Variants in SLC16A6 observed in about 807,000 individuals in gnomAD.
SLC16A6 encodes the protein solute carrier family 16 member 6.
Under a neutral mutation model 33.8 loss-of-function variants are expected in SLC16A6, and 15 were observed. The observed-to-expected ratio is 0.44, with a 90% CI of 0.30 to 0.68. The LOEUF (loss-of-function observed/expected upper bound fraction) is 0.68, where lower values mean the gene tolerates loss of function less well. Among genes scored for constraint, SLC16A6 ranks in the 30% least tolerant of loss-of-function variants. The pLI, the probability that SLC16A6 is intolerant of heterozygous loss-of-function variation, is 0.10. For synonymous variants in SLC16A6, 219 were observed against 248.4 expected (o/e 0.88, Z 1.11); for missense variants, 451 against 661.5 (o/e 0.68, Z 3.49).
intron 5 of SLC16A6, among the ~76,000 whole-genome samples, chr17:68,270,379 C>T (rs1253656927): frequency 1.3e-5 from 2 of 152,022 alleles, no homozygotes; most frequent in Admixed American, 1.3e-4. Flanking sequence ...CATGGTGAAA[C>T]CCCATCTCTA....
chr17:68,282,664 C>T (rs1402407278), intron 1 of SLC16A6, among the ~76,000 whole-genome samples: 1 of 150,846 alleles, frequency 6.6e-6, no homozygotes, highest in African/African-American at 2.4e-5. Context: ...ATTAGCAGTG[C>T]CGGGCATGGT....
upstream of SLC16A6, chr17:68,291,291 A>T (rs1202578383): frequency 9.6e-6 from 1 of 104,288 alleles, no homozygotes; most frequent in Admixed American, 9.3e-5. Flanking sequence ...CACCCGAGCC[A>T]CACCCTCCCC....
intron 1 of SLC16A6, among the ~76,000 whole-genome samples, chr17:68,289,956 G>C (rs1300349231): frequency 6.6e-6 from 1 of 152,172 alleles, no homozygotes; most frequent in African/African-American, 2.4e-5. Context: ...TCATCTGGCC[G>C]GATGTATTGT....
chr17:68,270,132 A>G (rs1324536057), intron 5 of SLC16A6, among the ~76,000 whole-genome samples: 5 of 152,138 alleles, frequency 3.3e-5, no homozygotes, highest in Non-Finnish European at 5.9e-5. Flanking sequence ...TCCATTCCCA[A>G]ATACCTTTCC....
chr17:68,282,552 A>C (rs955324021), intron 1 of SLC16A6, among the ~76,000 whole-genome samples: 4 of 151,756 alleles, frequency 2.6e-5, no homozygotes, highest in Non-Finnish European at 5.9e-5. Flanking sequence ...TAATCCCAGC[A>C]CTTTGGGAAA....
intron 4 of SLC16A6, 109 bp downstream of exon 4, chr17:68,272,530 A>T: frequency 7.9e-7 from 1 of 1,266,172 alleles, no homozygotes; most frequent in Non-Finnish European, 1.1e-6. Flanking sequence ...ACGTCTCATT[A>T]CACATACACT....
rs1555750121 is a variant in SLC16A6, at chr17:68,274,079, A to G, written c.233-9T>C. The G allele has an allele frequency of 2.5e-6, 4 of 1,611,264 alleles. No homozygotes were observed. The highest frequency in any genetic ancestry group is 3.4e-6 in the Non-Finnish European group (4 of 1,177,998). ...GACTGTGGCGAGGGGAGCTGCCGGGAAAGAACAAAACGATATTTTAACTCA... is the reference window on the plus strand; with the variant it reads ...GACTGTGGCGAGGGGAGCTGCCGGGGAAGAACAAAACGATATTTTAACTCA... On this transcript the variant is annotated splice_polypyrimidine_tract_variant and intron_variant, in intron 2 of 5. Transcript: ENST00000580666.
rs542108620 is a variant in SLC16A6 at position 68,271,577 on chromosome 17, T to C, written c.583A>G (p.Ile195Val). The C allele has an allele frequency of 2.4e-5, 38 of 1,614,212 alleles. No homozygotes were observed. Among genetic ancestry groups the C allele is most frequent in the Admixed American group, 1.8e-4 (11 of 60,030 alleles). ...ATGGGTCTGAGCAGTGCTCCGAAGA[T>C]GACAATGTTTAACTGTAGTAGGCCC... is the stretch of plus-strand genomic sequence containing the variant. ...FVGLLQLNIVIFGALLRPIFI... is the reference protein window; with the variant it reads ...FVGLLQLNIVVFGALLRPIFI... Residue 195 changes from isoleucine to valine, a missense_variant, in exon 5 of 6, where the codon ATC (isoleucine) becomes GTC (valine). Ile to Val is a conservative substitution (Grantham distance 29, BLOSUM62 3). Coordinates refer to ENST00000580666, the MANE Select transcript of SLC16A6 (RefSeq NM_004694.5). The surrounding 1 kb of genome is among the most constrained non-coding windows in gnomAD (Gnocchi z 5.3).
At chr17:68,278,977 C>CAT (rs1214994865) in intron 1 of SLC16A6, among the ~76,000 whole-genome samples, 3 of 152,038 alleles carry the variant, frequency 2.0e-5, no homozygotes, top group Non-Finnish European at 4.4e-5. Flanking sequence ...TACTTTTATG[C>CAT]ATATATATGT....
In SLC16A6 at chr17:68,271,635, C is replaced by G; in HGVS notation, c.525G>C (p.Glu175Asp). 1.2e-6 allele frequency: 2 copies of G among 1,613,098 alleles called. No homozygotes were observed. The highest frequency in any genetic ancestry group is 1.7e-6 in the Non-Finnish European group (2 of 1,179,082). Residue 175 changes from glutamate to aspartate, a missense_variant, in exon 5 of 6, where the codon GAG (glutamate) becomes GAC (aspartate). By Grantham distance (45) the Glu-to-Asp change is conservative. This residue lies in a region of SLC16A6 where 405 missense variants were observed against 510.7 expected (regional missense o/e 0.79). Transcript: ENST00000580666. The surrounding 1 kb of genome is among the most constrained non-coding windows in gnomAD (Gnocchi z 5.3). ...GGAGGCTGTATCTCCAGCCAATGCG[C>G]TCCTTCAGAGCCATGATTGCTTGAA... ...AFAPAIMALK[E>D]RIGWRYSLLF...
At chr17:68,282,668 GCATGGTGGCT>G (rs1431153566) in intron 1 of SLC16A6, among the ~76,000 whole-genome samples, 1 of 151,316 alleles carries the variant, frequency 6.6e-6, no homozygotes, top group African/African-American at 2.4e-5. Context: ...GCAGTGCCGG[GCATGGTGGCT>G]CATGCCTGTA....
At chr17:68,282,960 AAAAG>A (rs1291183291) in intron 1 of SLC16A6, 21 of 151,796 alleles carry the variant, frequency 1.4e-4, no homozygotes, top group Non-Finnish European at 1.9e-4. Context: ...AAAAAAAAAA[AAAAG>A]AAAGAAAATT....
At chr17:68,276,523 A>G (rs947998400) in intron 2 of SLC16A6, among the ~76,000 whole-genome samples, 9 of 151,872 alleles carry the variant, frequency 5.9e-5, no homozygotes, top group Non-Finnish European at 1.0e-4. Flanking sequence ...ATCATGGCTC[A>G]CTGCAGCCTT....
intron 1 of SLC16A6, among the ~76,000 whole-genome samples, chr17:68,288,286 C>T (rs1449095286): frequency 6.6e-6 from 1 of 152,154 alleles, no homozygotes; most frequent in African/African-American, 2.4e-5. Context: ...AGGCGTGAGC[C>T]ACTGTGCCCG....
At chr17:68,278,060 G>T in intron 2 of SLC16A6, 29 bp downstream of exon 2, 1 of 1,529,924 alleles carries the variant, frequency 6.5e-7, no homozygotes, top group Non-Finnish European at 9.0e-7. Flanking sequence ...CTATACTTAC[G>T]TCATGGTTAG....
chr17:68,272,443 T>G (rs1375732863), intron 4 of SLC16A6, among the ~76,000 whole-genome samples, 196 bp downstream of exon 4: 5 of 152,178 alleles, frequency 3.3e-5, no homozygotes, highest in Non-Finnish European at 7.4e-5. Context: ...AAACCTATTA[T>G]TAAGGTGGTC....
intron 1 of SLC16A6, chr17:68,282,874 G>A (rs1479785392): frequency 2.0e-5 from 3 of 150,900 alleles, no homozygotes; most frequent in Non-Finnish European, 4.4e-5. Context: ...CTTGAACCCC[G>A]GAGGTGGAGG....
chr17:68,278,765 G>A (rs1555751874), intron 1 of SLC16A6, among the ~76,000 whole-genome samples: 1 of 151,770 alleles, frequency 6.6e-6, no homozygotes, highest in African/African-American at 2.4e-5. Context: ...GATTACAGAT[G>A]CCCACCATCA....
At chr17:68,276,613 C>G (rs2075531000) in intron 2 of SLC16A6, among the ~76,000 whole-genome samples, 1 of 151,716 alleles carries the variant, frequency 6.6e-6, no homozygotes, top group African/African-American at 2.4e-5. Flanking sequence ...CATGCCCGGC[C>G]AATTTTTTAT....
Sources: allele counts gnomAD v4.1 joint callset (sites outside exome capture counted in the v4.1 genomes callset), GRCh38; gene constraint gnomAD v4.1.1; regional missense constraint gnomAD v4.1.1; non-coding constraint Gnocchi (gnomAD v3.1); transcripts MANE v1.5; gene names NCBI Gene and HGNC (gene_info 2026-07-23, HGNC 2026-07-21).